The following ZNF146 variants were observed in gnomAD, a reference collection of about 807,000 sequenced individuals.
ZNF146 encodes the protein zinc finger protein 146.
ZNF146 carries 9 observed loss-of-function variants against 22.2 expected under a neutral mutation model. The ratio of observed to expected loss-of-function variants is 0.41; its 90% CI spans 0.24 to 0.71. The LOEUF (loss-of-function observed/expected upper bound fraction) is 0.71. Among genes scored for constraint, ZNF146 ranks in the 30% least tolerant of loss-of-function variants. The pLI, the probability that ZNF146 is intolerant of heterozygous loss-of-function variation, is 0.34. For missense variants in ZNF146, 194 were observed against 344.8 expected (o/e 0.56, Z 3.46); for synonymous variants, 108 against 119.2 (o/e 0.91, Z 0.61).
chr19:36,235,073 G>A (rs1213271323), intron 3 of ZNF146, among the ~76,000 whole-genome samples: 1 of 151,856 alleles, frequency 6.6e-6, no homozygotes, highest in African/African-American at 2.4e-5. Context: ...GCCAGGTATG[G>A]TGGTGCACAC....
chr19:36,228,295 T>G (rs73931517), intron 2 of ZNF146, among the ~76,000 whole-genome samples: 1 of 152,220 alleles, frequency 6.6e-6, no homozygotes, highest in South Asian at 2.1e-4. Flanking sequence ...CCATGTGCTT[T>G]AGTTCTGATG....
intron 3 of ZNF146, among the ~76,000 whole-genome samples, chr19:36,231,368 C>T (rs1977361576): frequency 6.6e-6 from 1 of 152,058 alleles, no homozygotes; most frequent in African/African-American, 2.4e-5. Flanking sequence ...CACCACCACA[C>T]CCGGCTAATT....
At position 36,237,370 on chromosome 19, in the gene ZNF146, C is replaced by T. The variant is rs1426928784; in HGVS notation, c.*51C>T. 3 of 1,534,014 alleles carry T rather than the reference C, an allele frequency of 2.0e-6. No homozygotes were observed. The highest frequency in any genetic ancestry group is 2.1e-5 in the Admixed American group (1 of 47,610). ...GGAAAGCTTTCATTAGAAATTTGCA[C>T]CTCATCATGCCCCAGAAATAATCCT... On this transcript the variant is annotated 3_prime_UTR_variant, in exon 4 of 4. Transcript: ENST00000443387.
At chr19:36,221,675 A>G (rs1445052680) in intron 2 of ZNF146, among the ~76,000 whole-genome samples, 3 of 152,114 alleles carry the variant, frequency 2.0e-5, no homozygotes, top group African/African-American at 4.8e-5. Flanking sequence ...TCTCACAGAG[A>G]TATCTCATTC....
Position 36,236,650 on chromosome 19 carries a change from G to C in ZNF146, c.210G>C (p.Lys70Asn). The C allele has an allele frequency of 2.5e-6, 4 of 1,614,136 alleles. No homozygotes were observed. The highest frequency in any genetic ancestry group is 3.4e-6 in the Non-Finnish European group (4 of 1,180,020). Residue 70 changes from lysine to asparagine, a missense_variant, in exon 4 of 4, where the codon AAG becomes AAC. By Grantham distance (94) the Lys-to-Asn change is moderately conservative. This residue lies in a region of ZNF146 where 147 missense variants were observed against 300.1 expected (regional missense o/e 0.49). Coordinates refer to ENST00000443387, the MANE Select transcript of ZNF146 (RefSeq NM_007145.3). ...IKHQNTHTGE[K>N]LFECNECGKS... Reference sequence around the variant, plus strand: ...ATCAGAACACCCATACTGGCGAGAAGCTTTTCGAATGTAATGAATGTGGAA... The same window carrying C: ...ATCAGAACACCCATACTGGCGAGAACCTTTTCGAATGTAATGAATGTGGAA...
chr19:36,228,306 G>C (rs1178381830), intron 2 of ZNF146, among the ~76,000 whole-genome samples: 3 of 152,178 alleles, frequency 2.0e-5, no homozygotes, highest in Admixed American at 1.3e-4. Context: ...AGTTCTGATG[G>C]GAACGTGTTA....
intron 3 of ZNF146, among the ~76,000 whole-genome samples, chr19:36,231,667 T>C (rs527369244): frequency 2.5e-4 from 38 of 152,228 alleles, no homozygotes; most frequent in South Asian, 6.2e-4. Flanking sequence ...ATTTTCATCC[T>C]ATTATTTTCA....
chr19:36,230,975 A>G (rs1243064744), intron 3 of ZNF146, among the ~76,000 whole-genome samples: 1 of 151,870 alleles, frequency 6.6e-6, no homozygotes, highest in Non-Finnish European at 1.5e-5. Context: ...TAATTTTTGT[A>G]TTTTTAGTAG....
chr19:36,228,301 T>C (rs540526377), intron 2 of ZNF146, among the ~76,000 whole-genome samples: 13 of 152,298 alleles, frequency 8.5e-5, no homozygotes, highest in Non-Finnish European at 1.0e-4. Flanking sequence ...GCTTTAGTTC[T>C]GATGGGAACG....
At chr19:36,234,202 G>A (rs1028059542) in intron 3 of ZNF146, among the ~76,000 whole-genome samples, 5 of 152,298 alleles carry the variant, frequency 3.3e-5, no homozygotes, top group Admixed American at 6.5e-5. Flanking sequence ...AGGGTTGGGG[G>A]TAGGGTTACA....
At chr19:36,232,616 T>C (rs1977433537) in intron 3 of ZNF146, among the ~76,000 whole-genome samples, 1 of 150,898 alleles carries the variant, frequency 6.6e-6, no homozygotes, top group Non-Finnish European at 1.5e-5. Flanking sequence ...TTTCTTTTTT[T>C]TTTTTTTCCC....
chr19:36,217,570 A>T (rs1390477872), intron 1 of ZNF146, among the ~76,000 whole-genome samples: 2 of 152,184 alleles, frequency 1.3e-5, no homozygotes, highest in Admixed American at 1.3e-4. Context: ...TGCAGAATGT[A>T]GAGTATGATA....
intron 1 of ZNF146, among the ~76,000 whole-genome samples, chr19:36,216,885 G>C (rs576394182): frequency 6.6e-6 from 1 of 152,060 alleles, no homozygotes; most frequent in South Asian, 2.1e-4. Flanking sequence ...CAGGAGGATG[G>C]CTAGAGTCCA....
chr19:36,219,973 T>C (rs1976766113), intron 2 of ZNF146, among the ~76,000 whole-genome samples: 1 of 152,186 alleles, frequency 6.6e-6, no homozygotes, highest in Admixed American at 6.6e-5. Context: ...CCTAAAGTTG[T>C]GTATATTTAG....
At chr19:36,214,778 G>GA, upstream of ZNF146, 1 of 152,778 alleles carries the variant, frequency 6.5e-6, no homozygotes, top group South Asian at 2.1e-4. Context: ...TCTCTGAGTC[G>GA]GGGCCTGGCT....
chr19:36,223,511 T>C (rs1183399444), intron 2 of ZNF146, among the ~76,000 whole-genome samples: 1 of 151,904 alleles, frequency 6.6e-6, no homozygotes, highest in Non-Finnish European at 1.5e-5. Flanking sequence ...TACAGGCGCA[T>C]GCCACCACGC....
In ZNF146 at chr19:36,217,918, C is replaced by T. The variant is rs145476574; in HGVS notation, c.-928-204C>T. 9.0e-4 allele frequency among the ~76,000 whole-genome samples: 136 copies of T among 150,604 alleles called. No individual in the cohort carries two copies. In the East Asian group the frequency reaches 0.017, roughly 19 times the overall value. ...AAAAAAAAAATTCAAAAGATACATACGAAATAATAAAACTGGCTGTTGGGG... is the reference window on the plus strand; with the variant it reads ...AAAAAAAAAATTCAAAAGATACATATGAAATAATAAAACTGGCTGTTGGGG... On this transcript the variant is annotated intron_variant, in intron 1 of 3. Transcript: ENST00000443387.
At chr19:36,227,263 C>T (rs193215923) in intron 2 of ZNF146, among the ~76,000 whole-genome samples, 11 of 151,524 alleles carry the variant, frequency 7.3e-5, no homozygotes, top group Admixed American at 7.2e-4. Context: ...GTGGCGCATG[C>T]CTGTAATCCC....
At position 36,217,136 on chromosome 19, in the gene ZNF146, C is replaced by T. The variant is rs1212862546; in HGVS notation, c.-928-986C>T. Reference sequence around the variant, plus strand: ...AGAGTGCAGTGGCCCAATCTCTGCTCCCTGCAACCTCTGCCCCCCAGGTTC... The same window carrying T: ...AGAGTGCAGTGGCCCAATCTCTGCTTCCTGCAACCTCTGCCCCCCAGGTTC... On this transcript the variant is annotated intron_variant, in intron 1 of 3. Coordinates refer to ENST00000443387, the MANE Select transcript of ZNF146 (RefSeq NM_007145.3). 3.6e-5 allele frequency among the ~76,000 whole-genome samples: 5 copies of T among 139,838 alleles called. No individual in the cohort carries two copies. In the South Asian group the frequency reaches 9.6e-4, roughly 27 times the overall value. 91.7% of individuals were successfully genotyped at this position (139,838 alleles called of 152,430 possible).
Sources: gnomAD v4.1 joint callset for allele counts (sites outside exome capture counted in the v4.1 genomes callset) on GRCh38, gnomAD v4.1.1 for gene constraint, gnomAD v4.1.1 regional missense constraint, MANE v1.5 for transcripts, NCBI Gene and HGNC (gene_info 2026-07-23, HGNC 2026-07-21) for gene names.